The following CFAP54 variants were observed in gnomAD, a reference collection of about 807,000 sequenced individuals.
CFAP54 encodes the protein cilia and flagella associated protein 54.
Under a neutral mutation model 370.4 loss-of-function variants are expected in CFAP54, and 290 were observed. The ratio of observed to expected loss-of-function variants is 0.78; its 90% CI spans 0.71 to 0.86. The LOEUF (loss-of-function observed/expected upper bound fraction) is 0.86, where lower values mean the gene tolerates loss of function less well. Ranked by LOEUF, CFAP54 falls within the 40% of genes least tolerant of loss-of-function variation. CFAP54 has a pLI of 0.00. For missense variants in CFAP54, 3,399 were observed against 3,528.7 expected (o/e 0.96, Z 0.93); for synonymous variants, 1,206 against 1,236.5 (o/e 0.98, Z 0.52).
intron 46 of CFAP54, among the ~76,000 whole-genome samples, chr12:96,703,663 C>T (rs1957516115): frequency 6.6e-6 from 1 of 151,252 alleles, no homozygotes; most frequent in Non-Finnish European, 1.5e-5. Context: ...AAGTAATACA[C>T]CAAAAAGGAA....
At chr12:96,699,179 C>T (rs916125489) in intron 45 of CFAP54, among the ~76,000 whole-genome samples, 3 of 152,124 alleles carry the variant, frequency 2.0e-5, no homozygotes, top group Non-Finnish European at 2.9e-5. Context: ...TCTATGCAAA[C>T]GAAGACTCGC....
At position 96,565,017 on chromosome 12, in the gene CFAP54, C is replaced by T. The variant is rs191231740; in HGVS notation, c.2619+252C>T. ...GAAGACAAATAAAATCAGAAGGACT[C>T]AAAATGAGGGAAATTATAGAATTGG... On this transcript the variant is annotated intron_variant, in intron 19 of 67. Coordinates refer to ENST00000524981, the MANE Select transcript of CFAP54 (RefSeq NM_001306084.2). 10 of 232,170 alleles carry T rather than the reference C, an allele frequency of 4.3e-5. No individual in the cohort carries two copies. The Admixed American group carries it at 5.6e-4, about 13-fold the overall frequency. 14.4% of individuals were successfully genotyped at this position (232,170 alleles called of 1,614,324 possible).
chr12:96,806,552 A>G (rs1030960245), intron 63 of CFAP54, among the ~76,000 whole-genome samples: 3 of 152,046 alleles, frequency 2.0e-5, no homozygotes, highest in African/African-American at 7.2e-5. Context: ...CAAACAAACA[A>G]GCTGTGCATT....
intron 63 of CFAP54, among the ~76,000 whole-genome samples, chr12:96,807,470 A>C (rs1361045431): frequency 3.9e-5 from 6 of 152,210 alleles, no homozygotes; most frequent in Non-Finnish European, 7.3e-5. Context: ...CTGGGCTATA[A>C]GGGATTCTAA....
In CFAP54 at chr12:96,651,575, G is replaced by A; in HGVS notation, c.4873-13G>A. 1 of 1,603,720 alleles carries A rather than the reference G, an allele frequency of 6.2e-7. No homozygotes were observed. Among genetic ancestry groups the A allele is most frequent in the Non-Finnish European group, 8.5e-7 (1 of 1,173,750 alleles). On this transcript the variant is annotated splice_polypyrimidine_tract_variant and intron_variant, in intron 35 of 67. Transcript: ENST00000524981. ...GGAACTTTGGGATCTTTTAAATTTT[G>A]TGTTTGTCATAGGTTCTTGCTCATC...
intron 13 of CFAP54, 93 bp downstream of exon 13, chr12:96,538,611 C>A (rs1240637410): frequency 3.1e-6 from 4 of 1,296,690 alleles, no homozygotes; most frequent in Non-Finnish European, 4.2e-6. Context: ...TCCTATTTTT[C>A]ACCTGGTTAA....
chr12:96,557,465 G>T (rs930406821), intron 17 of CFAP54, among the ~76,000 whole-genome samples: 2 of 152,052 alleles, frequency 1.3e-5, no homozygotes, highest in African/African-American at 4.8e-5. Flanking sequence ...TCTTGAACGT[G>T]TACACCAACT....
At chr12:96,619,013 G>A (rs1250903705) in intron 26 of CFAP54, among the ~76,000 whole-genome samples, 2 of 152,070 alleles carry the variant, frequency 1.3e-5, no homozygotes, top group Non-Finnish European at 2.9e-5. Flanking sequence ...ACAGCCATGT[G>A]TCACCACACC....
chr12:96,744,294 C>G, intron 55 of CFAP54, 148 bp downstream of exon 55: 3 of 710,530 alleles, frequency 4.2e-6, no homozygotes, highest in Non-Finnish European at 4.6e-6. Flanking sequence ...TTTTTGATCA[C>G]TTATCATATG....
chr12:96,775,582 G>C (rs567562911), intron 60 of CFAP54, among the ~76,000 whole-genome samples: 1 of 152,300 alleles, frequency 6.6e-6, no homozygotes, highest in East Asian at 1.9e-4. Context: ...CGTGTGGCCA[G>C]ATTTTGCCCA....
chr12:96,765,466 A>T (rs1958393395), intron 60 of CFAP54, among the ~76,000 whole-genome samples: 1 of 152,122 alleles, frequency 6.6e-6, no homozygotes, highest in Non-Finnish European at 1.5e-5. Flanking sequence ...GATATTTTAC[A>T]TCTGTTTCTT....
At chr12:96,782,554 A>T (rs1241904400) in intron 60 of CFAP54, among the ~76,000 whole-genome samples, 1 of 152,178 alleles carries the variant, frequency 6.6e-6, no homozygotes, top group Non-Finnish European at 1.5e-5. Flanking sequence ...CTAGGGATTA[A>T]TCTAACCAAA....
chr12:96,575,679 A>G (rs900785029), intron 19 of CFAP54, among the ~76,000 whole-genome samples: 2 of 152,068 alleles, frequency 1.3e-5, no homozygotes, highest in African/African-American at 4.8e-5. Context: ...AGATTTGGTC[A>G]TATATTTTCT....
chr12:96,664,308 G>A (rs895095999), intron 39 of CFAP54, among the ~76,000 whole-genome samples: 5 of 152,012 alleles, frequency 3.3e-5, no homozygotes, highest in African/African-American at 1.2e-4. Flanking sequence ...ATAGGCCAGA[G>A]TGTGTGTTAT....
chr12:96,851,963 C>A (rs976810449), intron 66 of CFAP54, among the ~76,000 whole-genome samples: 5 of 151,828 alleles, frequency 3.3e-5, no homozygotes, highest in Admixed American at 1.3e-4. Flanking sequence ...CATAGAAAAC[C>A]CAAAATAGTC....
chr12:96,551,026 G>T (rs982710041), intron 15 of CFAP54, among the ~76,000 whole-genome samples: 1 of 152,016 alleles, frequency 6.6e-6, no homozygotes, highest in African/African-American at 2.4e-5. Context: ...CTAGCCCTTT[G>T]GGGAGGCCAA....
At chr12:96,647,817 C>G (rs759982275) in intron 33 of CFAP54, 58 bp from the exon 34 acceptor site, 30 of 1,371,976 alleles carry the variant, frequency 2.2e-5, no homozygotes, top group Non-Finnish European at 2.9e-5. Flanking sequence ...TTGCATTTGA[C>G]AGATTTAATT....
chr12:96,814,151 C>T (rs942384981), intron 64 of CFAP54, among the ~76,000 whole-genome samples: 6 of 152,106 alleles, frequency 3.9e-5, no homozygotes, highest in African/African-American at 4.8e-5. Flanking sequence ...TGTCAAAGAA[C>T]GGTTTATCCT....
intron 66 of CFAP54, among the ~76,000 whole-genome samples, chr12:96,855,160 A>G (rs1959664698): frequency 6.6e-6 from 1 of 152,152 alleles, no homozygotes; most frequent in South Asian, 2.1e-4. Context: ...CGAGAACAGT[A>G]TGATGGTAAC....
Sources: allele counts gnomAD v4.1 joint callset (sites outside exome capture counted in the v4.1 genomes callset), GRCh38; gene constraint gnomAD v4.1.1; transcripts MANE v1.5; gene names NCBI Gene and HGNC (gene_info 2026-07-23, HGNC 2026-07-21).